The following CERT1 variants were observed in gnomAD, a reference collection of about 807,000 sequenced individuals.
CERT1 encodes the protein ceramide transporter 1.
Under a neutral mutation model 87.9 loss-of-function variants are expected in CERT1, and 31 were observed. The ratio of observed to expected loss-of-function variants is 0.35; its 90% CI spans 0.27 to 0.48. CERT1 has a LOEUF of 0.48. Among genes scored for constraint, CERT1 ranks in the 20% least tolerant of loss-of-function variants. The pLI, the probability that CERT1 is intolerant of heterozygous loss-of-function variation, is 0.99. For missense variants in CERT1, 487 were observed against 758.0 expected (o/e 0.64, Z 4.20); for synonymous variants, 289 against 250.9 (o/e 1.15, Z -1.44).
chr5:75,511,759 C>G (rs1768020921), upstream of CERT1: 1 of 1,551,340 alleles, frequency 6.4e-7, no homozygotes, highest in East Asian at 2.4e-5. Flanking sequence ...CGAACCCTAC[C>G]TCCGGCTCTC....
intron 3 of CERT1, among the ~76,000 whole-genome samples, chr5:75,446,856 AAAGGAGAAAAGTT>A (rs1449013647): frequency 6.6e-6 from 1 of 152,198 alleles, no homozygotes; most frequent in African/African-American, 2.4e-5. Flanking sequence ...CCCAAAAGGA[AAAGGAGAAAAGTT>A]AAGGAGAAAG....
intron 1 of CERT1, among the ~76,000 whole-genome samples, chr5:75,507,177 G>A (rs1767688543): frequency 6.6e-6 from 1 of 152,106 alleles, no homozygotes; most frequent in Admixed American, 6.5e-5. Flanking sequence ...CACCCAGGAT[G>A]GAGTGCAGTG....
intron 1 of CERT1, among the ~76,000 whole-genome samples, chr5:75,510,878 C>A (rs1011620305): frequency 6.6e-6 from 1 of 152,182 alleles, no homozygotes; most frequent in African/African-American, 2.4e-5. Context: ...GCCTCCCAAA[C>A]TGGATCTCAG....
At chr5:75,412,477 CCACATGTATTTACTGT>C (rs1762970059) in intron 7 of CERT1, among the ~76,000 whole-genome samples, 1 of 152,168 alleles carries the variant, frequency 6.6e-6, no homozygotes, top group African/African-American at 2.4e-5. Context: ...CTAGTGAAAG[CCACATGTATTTACTGT>C]CACATGTTAG....
chr5:75,438,921 C>CT lies in CERT1; in HGVS notation c.349-12444dup, dbSNP rs983884324. On this transcript the variant is annotated intron_variant, in intron 3 of 16. Transcript: ENST00000643780. ...ATACCTTTGTTATATTAGGACATAT[C>CT]TTTTTTTTTTTCTTTTAAGAGCAAT... Among the ~76,000 whole-genome samples, 414 of 143,090 alleles carry CT rather than the reference C, an allele frequency of 2.9e-3. 1 individual carries two copies. The East Asian group carries it at 0.03, about 10-fold the overall frequency. 93.9% of individuals were successfully genotyped at this position (143,090 alleles called of 152,430 possible). A position where few individuals can be genotyped will look rare whatever the true frequency, so the allele number is the denominator to read the frequency against.
At chr5:75,467,714 C>T (rs1330244183) in intron 2 of CERT1, among the ~76,000 whole-genome samples, 1 of 149,624 alleles carries the variant, frequency 6.7e-6, no homozygotes, top group Non-Finnish European at 1.5e-5. Context: ...TGTAATTTGA[C>T]TGTGATGATT....
chr5:75,470,105 T>G (rs1765643031), intron 2 of CERT1, among the ~76,000 whole-genome samples: 1 of 152,084 alleles, frequency 6.6e-6, no homozygotes, highest in African/African-American at 2.4e-5. Flanking sequence ...ACAATAATAG[T>G]AGGGAAATTC....
chr5:75,446,110 C>T (rs910656660), intron 3 of CERT1, among the ~76,000 whole-genome samples: 1 of 152,132 alleles, frequency 6.6e-6, no homozygotes, highest in Admixed American at 6.5e-5. Context: ...CTGCTCCTTT[C>T]TCTTTTCTCC....
chr5:75,479,291 C>G (rs1448294056), intron 2 of CERT1, among the ~76,000 whole-genome samples: 1 of 151,018 alleles, frequency 6.6e-6, no homozygotes, highest in Non-Finnish European at 1.5e-5. Flanking sequence ...TTTTTACAGT[C>G]TTTTTTTTTA....
chr5:75,411,631 A>G (rs1049715001), intron 7 of CERT1, among the ~76,000 whole-genome samples: 3 of 152,164 alleles, frequency 2.0e-5, no homozygotes, highest in African/African-American at 7.2e-5. Flanking sequence ...GATTTAAATC[A>G]CCACTAAAAT....
intron 3 of CERT1, among the ~76,000 whole-genome samples, chr5:75,427,489 C>T (rs1338127278): frequency 6.6e-6 from 1 of 152,156 alleles, no homozygotes; most frequent in Non-Finnish European, 1.5e-5. Flanking sequence ...ATCCCGGCTA[C>T]TCAGAAGGCT....
At chr5:75,384,433 T>C (rs911438612) in intron 14 of CERT1, among the ~76,000 whole-genome samples, 4 of 152,244 alleles carry the variant, frequency 2.6e-5, no homozygotes, top group Non-Finnish European at 5.9e-5. Context: ...TATTTCTAGA[T>C]TGTATCTCTC....
Position 75,511,104 on chromosome 5 carries a change from T to C in CERT1, c.96+8A>G. ...GCCAGGGGTCCCTTGGCACCAGGGGTTGCTCACCTTACTGAGGACCCCGCA... is the reference window on the plus strand; with the variant it reads ...GCCAGGGGTCCCTTGGCACCAGGGGCTGCTCACCTTACTGAGGACCCCGCA... On this transcript the variant is annotated splice_region_variant and intron_variant, in intron 1 of 16. Coordinates refer to ENST00000643780, the MANE Select transcript of CERT1 (RefSeq NM_001379029.1). 1.9e-6 allele frequency: 3 copies of C among 1,549,274 alleles called. No individual in the cohort carries two copies. In the South Asian group the frequency reaches 3.7e-5, roughly 19 times the overall value.
intron 2 of CERT1, among the ~76,000 whole-genome samples, chr5:75,503,176 C>A (rs1355812902): frequency 6.6e-6 from 1 of 151,882 alleles, no homozygotes; most frequent in African/African-American, 2.4e-5. Flanking sequence ...TAGGCTCTAT[C>A]AAGAAATGTG....
At chr5:75,441,642 T>C (rs907757744) in intron 3 of CERT1, among the ~76,000 whole-genome samples, 3 of 152,204 alleles carry the variant, frequency 2.0e-5, no homozygotes, top group African/African-American at 7.2e-5. Flanking sequence ...TTGACTACTC[T>C]ATGCACCCAA....
intron 2 of CERT1, among the ~76,000 whole-genome samples, chr5:75,473,672 G>T (rs76842565): frequency 0.026 from 3,927 of 152,194 alleles, 144 homozygotes; most frequent in African/African-American, 0.085. Context: ...ACAACGTGGT[G>T]ACTATAGTTA....
intron 3 of CERT1, among the ~76,000 whole-genome samples, chr5:75,434,186 G>GTTTTT (rs370209071): frequency 1.6e-5 from 2 of 126,768 alleles, no homozygotes; most frequent in East Asian, 2.3e-4. Flanking sequence ...GTTTGTTGAG[G>GTTTTT]TTTTTTTTTT....
intron 3 of CERT1, among the ~76,000 whole-genome samples, chr5:75,434,229 A>G (rs1287432696): frequency 6.0e-5 from 9 of 149,412 alleles, no homozygotes; most frequent in Non-Finnish European, 8.9e-5. Context: ...GTTTAATCTA[A>G]GGCCTTTCCT....
chr5:75,497,401 C>T (rs1044490771), intron 2 of CERT1, among the ~76,000 whole-genome samples: 1 of 152,046 alleles, frequency 6.6e-6, no homozygotes, highest in Non-Finnish European at 1.5e-5. Context: ...GACATTATCC[C>T]CCTTGTTTAA....
Sources: gnomAD v4.1 joint callset for allele counts (sites outside exome capture counted in the v4.1 genomes callset) on GRCh38, gnomAD v4.1.1 for gene constraint, MANE v1.5 for transcripts, NCBI Gene and HGNC (gene_info 2026-07-23, HGNC 2026-07-21) for gene names.